CHCHD6: variants seen among roughly 807,000 people sequenced by gnomAD.
CHCHD6 encodes MICOS complex subunit MIC25.
A neutral mutation model predicts 32.3 loss-of-function variants in CHCHD6; 28 were observed. The observed-to-expected ratio is 0.87, with a 90% CI of 0.64 to 1.19. The LOEUF (loss-of-function observed/expected upper bound fraction) is 1.19. Ranked by LOEUF, CHCHD6 falls within the 50% of genes most tolerant of loss-of-function variation. The probability of loss-of-function intolerance (pLI) is 0.00; values close to 1 mark genes in which losing one functional copy is unlikely to be tolerated. For missense variants in CHCHD6, 333 were observed against 307.0 expected (o/e 1.08, Z -0.63); for synonymous variants, 122 against 117.5 (o/e 1.04, Z -0.25).
intron 5 of CHCHD6, among the ~76,000 whole-genome samples, chr3:126,881,652 G>A (rs1302575970): frequency 6.6e-6 from 1 of 152,206 alleles, no homozygotes; most frequent in African/African-American, 2.4e-5. Flanking sequence ...GTGCTGAGGG[G>A]ATGGAAAGGA....
chr3:126,844,814 T>G (rs531577430), intron 4 of CHCHD6, among the ~76,000 whole-genome samples: 243 of 152,120 alleles, frequency 1.6e-3, no homozygotes, highest in Non-Finnish European at 2.9e-3. Context: ...GTGGGTTCAG[T>G]GTAATGTCAA....
chr3:126,805,475 T>G (rs1029032779), intron 4 of CHCHD6, among the ~76,000 whole-genome samples: 8 of 150,906 alleles, frequency 5.3e-5, no homozygotes, highest in Middle Eastern at 3.4e-3. Context: ...AATAAAATAC[T>G]TAGGAATCCA....
chr3:126,934,591 C>T (rs981593591), intron 6 of CHCHD6, among the ~76,000 whole-genome samples: 2 of 134,430 alleles, frequency 1.5e-5, no homozygotes, highest in Admixed American at 8.6e-5. Flanking sequence ...CTCTGTCGCC[C>T]AGGCTGGAGT....
At chr3:126,783,769 T>C (rs1938063011) in intron 4 of CHCHD6, among the ~76,000 whole-genome samples, 1 of 152,014 alleles carries the variant, frequency 6.6e-6, no homozygotes, top group Admixed American at 6.5e-5. Context: ...TCAGCAGCTG[T>C]GATCTGTAAG....
chr3:126,789,603 T>C (rs1044516551), intron 4 of CHCHD6, among the ~76,000 whole-genome samples: 1 of 152,236 alleles, frequency 6.6e-6, no homozygotes, highest in African/African-American at 2.4e-5. Context: ...TTTTGATCTT[T>C]GTTGGTTTAA....
chr3:126,807,286 G>C (rs1939441332), intron 4 of CHCHD6, among the ~76,000 whole-genome samples: 1 of 151,980 alleles, frequency 6.6e-6, no homozygotes, highest in Non-Finnish European at 1.5e-5. Context: ...AACAGATAAT[G>C]CAGAGGAGCA....
At chr3:126,861,847 C>T (rs1282142193) in intron 5 of CHCHD6, among the ~76,000 whole-genome samples, 493 of 88,454 alleles carry the variant, frequency 5.6e-3, no homozygotes, top group Middle Eastern at 8.2e-3. Flanking sequence ...CACCACCTCC[C>T]CCTCCTCCAC....
chr3:126,722,716 A>G (rs565796162), intron 1 of CHCHD6, among the ~76,000 whole-genome samples: 2 of 152,204 alleles, frequency 1.3e-5, no homozygotes, highest in Non-Finnish European at 2.9e-5. Context: ...CTTATCAGGT[A>G]TATGATTTGT....
At chr3:126,821,686 T>A (rs1009159469) in intron 4 of CHCHD6, among the ~76,000 whole-genome samples, 2 of 152,194 alleles carry the variant, frequency 1.3e-5, no homozygotes, top group Admixed American at 1.3e-4. Flanking sequence ...TCCCACCTCA[T>A]GCTTGTTCTT....
In CHCHD6 at chr3:126,792,225, TTAGAATATATATTCTAATA is replaced by T. The variant is rs1347273958; in HGVS notation, c.411+59033_411+59051del. On this transcript the variant is annotated intron_variant, in intron 4 of 7. Transcript: ENST00000290913. The stretch of plus-strand genomic sequence containing the variant: ...AGTTCCTGCTTTCAGGAATATATAC[TTAGAATATATATTCTAATA>T]TAGAATATATATTCTAATATAGAAT... 3.4e-3 allele frequency among the ~76,000 whole-genome samples: 514 copies of T among 149,540 alleles called. 4 individuals carry two copies. The highest frequency in any genetic ancestry group is 0.012 in the African/African-American group (470 of 40,640).
intron 3 of CHCHD6, among the ~76,000 whole-genome samples, chr3:126,732,712 A>G (rs767247068): frequency 6.6e-6 from 1 of 152,264 alleles, no homozygotes; most frequent in Non-Finnish European, 1.5e-5. Flanking sequence ...TGTTCAAAAC[A>G]GAGGACTACT....
intron 4 of CHCHD6, among the ~76,000 whole-genome samples, chr3:126,795,983 A>C (rs1938774144): frequency 6.6e-6 from 1 of 152,174 alleles, no homozygotes; most frequent in Non-Finnish European, 1.5e-5. Context: ...TGGGGTTTGC[A>C]GAAAGGGTGG....
intron 5 of CHCHD6, among the ~76,000 whole-genome samples, chr3:126,854,512 C>T (rs541132861): frequency 9.8e-5 from 15 of 152,308 alleles, no homozygotes; most frequent in African/African-American, 1.9e-4. Flanking sequence ...ATCTTCTCCA[C>T]GGATAATTTT....
At chr3:126,721,048 C>T (rs904340235) in intron 1 of CHCHD6, among the ~76,000 whole-genome samples, 6 of 152,320 alleles carry the variant, frequency 3.9e-5, no homozygotes, top group South Asian at 2.1e-4. Context: ...GTCATTCTCA[C>T]GCAAATTATT....
chr3:126,714,379 CTCT>C (rs1934909191), intron 1 of CHCHD6, among the ~76,000 whole-genome samples: 1 of 152,146 alleles, frequency 6.6e-6, no homozygotes, highest in African/African-American at 2.4e-5. Flanking sequence ...TCTCCGAGGG[CTCT>C]TCTTGTTCTG....
At chr3:126,726,000 T>C (rs1397629363) in intron 1 of CHCHD6, among the ~76,000 whole-genome samples, 1 of 152,220 alleles carries the variant, frequency 6.6e-6, no homozygotes, top group Non-Finnish European at 1.5e-5. Flanking sequence ...TTTCTTACCA[T>C]TCATGTGTTC....
intron 6 of CHCHD6, among the ~76,000 whole-genome samples, chr3:126,925,171 A>G (rs987895369): frequency 2.0e-5 from 3 of 152,188 alleles, no homozygotes; most frequent in Non-Finnish European, 4.4e-5. Flanking sequence ...CGAATAATCA[A>G]GTGCTGGGTG....
At chr3:126,861,566 C>G (rs1012310872) in intron 5 of CHCHD6, among the ~76,000 whole-genome samples, 5 of 148,728 alleles carry the variant, frequency 3.4e-5, no homozygotes, top group Non-Finnish European at 5.9e-5. Context: ...AGCACCACCA[C>G]CTCATCCTCC....
intron 5 of CHCHD6, among the ~76,000 whole-genome samples, chr3:126,908,805 A>T (rs1422647168): frequency 6.6e-6 from 1 of 152,240 alleles, no homozygotes; most frequent in East Asian, 1.9e-4. Context: ...TTTTATATGC[A>T]TTGTCATTCG....
Sources: allele counts gnomAD v4.1 joint callset (sites outside exome capture counted in the v4.1 genomes callset), GRCh38; gene constraint gnomAD v4.1.1; transcripts MANE v1.5; gene names NCBI Gene and HGNC (gene_info 2026-07-23, HGNC 2026-07-21).